The following DPP10 variants were observed in gnomAD, a reference collection of about 807,000 sequenced individuals.
DPP10 encodes the protein inactive dipeptidyl peptidase 10.
In DPP10, 33 loss-of-function variants were observed where a neutral mutation model predicts 120.9. The observed-to-expected ratio is 0.27, with a 90% CI of 0.21 to 0.37. DPP10 has a LOEUF of 0.37. Among genes scored for constraint, DPP10 ranks in the 10% least tolerant of loss-of-function variants. DPP10 has a pLI of 1.00. For missense variants in DPP10, 816 were observed against 942.8 expected, an observed-to-expected ratio of 0.87 and a Z score of 1.76; for synonymous variants, 337 against 326.1, an observed-to-expected ratio of 1.03 and a Z score of -0.36.
At chr2:114,728,145 C>T (rs969819836) in intron 1 of DPP10, among the ~76,000 whole-genome samples, 10 of 152,160 alleles carry the variant, frequency 6.6e-5, no homozygotes, top group Non-Finnish European at 1.3e-4. Context: ...CAGGTCTCCA[C>T]AGACTTCTTG....
intron 19 of DPP10, among the ~76,000 whole-genome samples, chr2:115,809,478 C>T (rs1382298307): frequency 1.3e-5 from 2 of 152,302 alleles, no homozygotes; most frequent in East Asian, 3.9e-4. Flanking sequence ...GATTATGCTT[C>T]AGAATATAAG....
intron 3 of DPP10, among the ~76,000 whole-genome samples, chr2:115,463,905 T>A (rs577882172): frequency 6.6e-5 from 10 of 152,306 alleles, no homozygotes; most frequent in African/African-American, 2.4e-4. Context: ...CCTATATTCC[T>A]GCAGTTGCTG....
intron 1 of DPP10, among the ~76,000 whole-genome samples, chr2:114,651,898 G>C (rs1696612906): frequency 6.6e-6 from 1 of 152,142 alleles, no homozygotes; most frequent in Non-Finnish European, 1.5e-5. Context: ...GCGTGAGTTA[G>C]GGCATGCATC....
chr2:115,224,536 T>C (rs576196648), intron 1 of DPP10, among the ~76,000 whole-genome samples: 44 of 151,556 alleles, frequency 2.9e-4, no homozygotes, highest in Non-Finnish European at 5.9e-4. Context: ...GGTGGGGAGG[T>C]TGGGGAGATG....
intron 1 of DPP10, among the ~76,000 whole-genome samples, chr2:114,923,426 A>G (rs551051464): frequency 6.7e-6 from 1 of 148,938 alleles, no homozygotes; most frequent in East Asian, 2.0e-4. Context: ...CAACCTCCCA[A>G]AGTGCTGGGA....
At chr2:115,423,858 C>G (rs1244393482) in intron 3 of DPP10, among the ~76,000 whole-genome samples, 1 of 151,854 alleles carries the variant, frequency 6.6e-6, no homozygotes, top group East Asian at 1.9e-4. Context: ...TATTTTTTTT[C>G]TATTCTTAAC....
At chr2:114,936,604 C>A (rs1696501770) in intron 1 of DPP10, among the ~76,000 whole-genome samples, 1 of 152,006 alleles carries the variant, frequency 6.6e-6, no homozygotes, top group Non-Finnish European at 1.5e-5. Context: ...TGGGTAGAAA[C>A]TTTGACATGG....
intron 1 of DPP10, among the ~76,000 whole-genome samples, chr2:115,225,244 A>G (rs1486664519): frequency 6.6e-6 from 1 of 152,052 alleles, no homozygotes; most frequent in East Asian, 1.9e-4. Context: ...AGCTCGCTCC[A>G]AGAGGGAAGA....
chr2:115,092,887 T>G, intron 1 of DPP10, among the ~76,000 whole-genome samples: 1 of 152,292 alleles, frequency 6.6e-6, no homozygotes, highest in South Asian at 2.1e-4. Flanking sequence ...GATGACTTTT[T>G]AAGTGACTTT....
At chr2:115,572,895 C>T (rs1245875498) in intron 5 of DPP10, among the ~76,000 whole-genome samples, 1 of 152,136 alleles carries the variant, frequency 6.6e-6, no homozygotes, top group Non-Finnish European at 1.5e-5. Context: ...TTCATGTTGG[C>T]AGTGGCAGAA....
At chr2:114,738,318 C>T (rs1402229298) in intron 1 of DPP10, among the ~76,000 whole-genome samples, 1 of 152,190 alleles carries the variant, frequency 6.6e-6, no homozygotes, top group Non-Finnish European at 1.5e-5. Context: ...TAGCTAGAGG[C>T]CTTTCTCGGG....
chr2:114,582,228 G>A (rs573576736), intron 1 of DPP10, among the ~76,000 whole-genome samples: 67 of 152,190 alleles, frequency 4.4e-4, no homozygotes, highest in Middle Eastern at 3.4e-3. Flanking sequence ...CTTTCACTTA[G>A]AAATATGCAT....
At chr2:115,259,123 CT>C (rs2105735117) in intron 1 of DPP10, among the ~76,000 whole-genome samples, 1 of 152,298 alleles carries the variant, frequency 6.6e-6, no homozygotes, top group South Asian at 2.1e-4. Flanking sequence ...ATTCTGTGAT[CT>C]ACAATTACTG....
chr2:115,401,227 C>A (rs986129811), intron 3 of DPP10, among the ~76,000 whole-genome samples: 4 of 152,084 alleles, frequency 2.6e-5, no homozygotes, highest in African/African-American at 9.7e-5. Flanking sequence ...TGGGTAGACA[C>A]CTTATGGAAA....
intron 1 of DPP10, among the ~76,000 whole-genome samples, chr2:115,129,107 C>A (rs961809437): frequency 6.6e-6 from 1 of 152,142 alleles, no homozygotes; most frequent in African/African-American, 2.4e-5. Flanking sequence ...TCTGTCTGGA[C>A]CAAATGATTT....
At chr2:114,967,278 A>G (rs1210474425) in intron 1 of DPP10, among the ~76,000 whole-genome samples, 3 of 152,206 alleles carry the variant, frequency 2.0e-5, no homozygotes, top group Non-Finnish European at 2.9e-5. Context: ...GCAAGTGAGA[A>G]GGCATGGATC....
At chr2:115,806,400 G>C (rs1052761772) in intron 19 of DPP10, among the ~76,000 whole-genome samples, 3 of 152,118 alleles carry the variant, frequency 2.0e-5, no homozygotes, top group African/African-American at 4.8e-5. Flanking sequence ...CTTATACTTA[G>C]TACTATAATC....
intron 3 of DPP10, among the ~76,000 whole-genome samples, chr2:115,490,701 G>A (rs1395007156): frequency 6.6e-6 from 1 of 152,154 alleles, no homozygotes; most frequent in Non-Finnish European, 1.5e-5. Flanking sequence ...ATGTGTAAAT[G>A]TATTAAAAAT....
chr2:115,198,599 C>G (rs1434540066), intron 1 of DPP10, among the ~76,000 whole-genome samples: 2 of 152,144 alleles, frequency 1.3e-5, no homozygotes, highest in East Asian at 3.9e-4. Context: ...ACACGTTGAT[C>G]AAATTACTTC....
Sources: gnomAD v4.1 joint callset for allele counts (sites outside exome capture counted in the v4.1 genomes callset) on GRCh38, gnomAD v4.1.1 for gene constraint, MANE v1.5 for transcripts, NCBI Gene and HGNC (gene_info 2026-07-23, HGNC 2026-07-21) for gene names.